MTR: variants seen among roughly 807,000 people sequenced by gnomAD.
MTR encodes methionine synthase.
MTR carries 84 observed loss-of-function variants against 154.8 expected under a neutral mutation model. The observed-to-expected ratio is 0.54, with a 90% CI of 0.45 to 0.65. The LOEUF is 0.65. Ranked by LOEUF, MTR falls within the 30% of genes least tolerant of loss-of-function variation. The pLI is 0.00. For missense variants in MTR, 1,275 were observed against 1,570.2 expected (o/e 0.81, Z 3.18); for synonymous variants, 554 against 553.9 (o/e 1.00, Z 0.00).
intron 8 of MTR, among the ~76,000 whole-genome samples, chr1:236,818,640 AG>A (rs1661742884): frequency 1.3e-5 from 2 of 152,240 alleles, no homozygotes; most frequent in African/African-American, 4.8e-5. Flanking sequence ...TACAGACTGT[AG>A]GGGCAGATAG....
In MTR at chr1:236,897,591, G is replaced by A; in HGVS notation, c.3745G>A (p.Val1249Met). ...EDYALRKNIS[V>M]AEVEKWLGPI... is the part of the protein sequence containing the mutation. ...TTATGCATTGAGGAAGAACATATCT[G>A]TGGCTGAGGTTGAGAAATGGCTTGG... The change falls in exon 33 of 33, where the codon GTG becomes ATG. Residue 1249 changes from valine to methionine, a missense_variant. Val to Met is a conservative substitution (Grantham distance 21, BLOSUM62 1). Coordinates refer to ENST00000366577, the MANE Select transcript of MTR (RefSeq NM_000254.3). 6.2e-7 allele frequency: 1 copy of A among 1,613,646 alleles called. No homozygotes were observed. The highest frequency in any genetic ancestry group is 8.5e-7 in the Non-Finnish European group (1 of 1,179,970).
In MTR at chr1:236,895,364, G is replaced by A. The variant is rs767000295; in HGVS notation, c.3412G>A (p.Ala1138Thr). ...TGCTGCTTTGGGTCCCAAGGCCTTT[G>A]CAGAAGAGCTCCATGAAAGAGTTCG... The part of the protein sequence containing the change: ...ALGDRLAEAF[A>T]EELHERVRRE... The change falls in exon 31 of 33, where the codon GCA becomes ACA. Residue 1138 changes from alanine to threonine, a missense_variant. Coordinates refer to ENST00000366577, the MANE Select transcript of MTR (RefSeq NM_000254.3). 2 of 1,596,318 alleles carry A rather than the reference G, an allele frequency of 1.3e-6. No homozygotes were observed. The highest frequency in any genetic ancestry group is 2.3e-5 in the South Asian group (2 of 88,074).
intron 5 of MTR, among the ~76,000 whole-genome samples, chr1:236,812,102 T>G (rs1222773568): frequency 6.6e-6 from 1 of 152,232 alleles, no homozygotes; most frequent in Non-Finnish European, 1.5e-5. Flanking sequence ...AGGCTGGTCT[T>G]GAACTCCTGA....
At position 236,873,753 on chromosome 1, in the gene MTR, G is replaced by T. The variant is rs1310121654; in HGVS notation, c.2406-20G>T. 1.2e-6 allele frequency: 2 copies of T among 1,606,954 alleles called. No individual in the cohort carries two copies. Among genetic ancestry groups the T allele is most frequent in the South Asian group, 1.1e-5 (1 of 90,980 alleles). ...AATGGGCTTTCATTAATTTTCTCAT[G>T]TCTCATTTCTGTGCCTCAGAGTTAT... On this transcript the variant is annotated intron_variant, in intron 22 of 32. Transcript: ENST00000366577.
In MTR at chr1:236,824,823, C is replaced by T. The variant is rs548373643; in HGVS notation, c.866-515C>T. Among the ~76,000 whole-genome samples, 128 of 152,126 alleles carry T rather than the reference C, an allele frequency of 8.4e-4. 1 individual carries two copies. In the South Asian group the frequency reaches 9.5e-3, roughly 11 times the overall value. The stretch of plus-strand genomic sequence containing the variant: ...TTTAATGCACAATAAATTTTATTTC[C>T]CACCAGGAGTAAGATAACTGGAAGC... On this transcript the variant is annotated intron_variant, in intron 9 of 32. Transcript: ENST00000366577.
chr1:236,903,836 A>G lies in MTR; in HGVS notation c.*6192A>G, dbSNP rs1372163620. 2 of 152,216 alleles carry G rather than the reference A, an allele frequency of 1.3e-5. No individual in the cohort carries two copies. Among genetic ancestry groups the G allele is most frequent in the African/African-American group, 4.8e-5 (2 of 41,462 alleles). 9.4% of individuals were successfully genotyped at this position (152,216 alleles called of 1,614,324 possible). A position where few individuals can be genotyped will look rare whatever the true frequency, so the allele number is the denominator to read the frequency against. On this transcript the variant is annotated 3_prime_UTR_variant, in exon 33 of 33. Transcript: ENST00000366577. ...CTCCAGGTTATCTGAAAGAATTTCA[A>G]TGCTTACCTTTAATCATGTGACATT...
chr1:236,868,500 C>T (rs1483744201), intron 22 of MTR, among the ~76,000 whole-genome samples: 2 of 152,048 alleles, frequency 1.3e-5, no homozygotes, highest in East Asian at 1.9e-4. Context: ...TTCTAAATTC[C>T]CCTCAAGAAA....
chr1:236,880,955 A>G, intron 25 of MTR, 119 bp downstream of exon 25: 1 of 1,012,164 alleles, frequency 9.9e-7, no homozygotes, highest in Admixed American at 2.0e-5. Flanking sequence ...GTCAAAGAGC[A>G]GCCTGAGGCT....
intron 6 of MTR, 56 bp downstream of exon 6, chr1:236,812,900 C>G (rs968567597): frequency 1.5e-6 from 2 of 1,291,930 alleles, no homozygotes; most frequent in South Asian, 2.4e-5. Context: ...GGGTGAGTCC[C>G]CTAATGTAGG....
rs200802890 is a variant in MTR at position 236,860,405 on chromosome 1, G to GTTT, written c.2043+485_2043+487dup. 1.9e-3 allele frequency among the ~76,000 whole-genome samples: 247 copies of GTTT among 126,694 alleles called. 4 individuals carry two copies. The Middle Eastern group carries it at 0.045, about 23-fold the overall frequency. The allele number at this position is 126,694 out of a possible 152,430, so 83.1% of individuals were successfully genotyped here. ...CTGGAGAATCTCAGAGTTTTGTTTT[G>GTTT]TTTTGTTTTTTTTTGGCTCTGGAGT... On this transcript the variant is annotated intron_variant, in intron 19 of 32. Transcript: ENST00000366577.
At chr1:236,841,926 T>C (rs1663263164) in intron 15 of MTR, among the ~76,000 whole-genome samples, 2 of 151,434 alleles carry the variant, frequency 1.3e-5, no homozygotes, top group South Asian at 4.2e-4. Flanking sequence ...GGAGTCTCGC[T>C]GTCGCCCAGG....
intron 25 of MTR, 98 bp downstream of exon 25, chr1:236,880,934 A>G (rs926362772): frequency 3.2e-6 from 4 of 1,247,948 alleles, no homozygotes; most frequent in African/African-American, 1.5e-5. Flanking sequence ...ATTCAGTTCT[A>G]CTAAATAAAG....
chr1:236,844,392 C>G (rs1442709780), intron 15 of MTR, among the ~76,000 whole-genome samples: 2 of 150,796 alleles, frequency 1.3e-5, no homozygotes, highest in South Asian at 4.2e-4. Context: ...TACAGTTCTG[C>G]CATAAGGGGA....
chr1:236,801,544 C>T (rs1660699955), intron 1 of MTR, among the ~76,000 whole-genome samples: 1 of 152,200 alleles, frequency 6.6e-6, no homozygotes, highest in Non-Finnish European at 1.5e-5. Context: ...TACAAATATT[C>T]TTACATTACT....
chr1:236,818,374 CT>C (rs1279632313), intron 8 of MTR, among the ~76,000 whole-genome samples: 1 of 152,130 alleles, frequency 6.6e-6, no homozygotes, highest in African/African-American at 2.4e-5. Flanking sequence ...TCACTGGAGT[CT>C]TTAGTTTGCT....
At position 236,890,702 on chromosome 1, in the gene MTR, T is replaced by C. The variant is rs1315162256; in HGVS notation, c.3008-431T>C. ...AAAATGTCAATCGTTACGAATTATA[T>C]TGTAGTTGGGATTAAAAGCACCACG... On this transcript the variant is annotated intron_variant, in intron 28 of 32. Coordinates refer to ENST00000366577, the MANE Select transcript of MTR (RefSeq NM_000254.3). Among the ~76,000 whole-genome samples the C allele has an allele frequency of 3.3e-5, 5 of 152,144 alleles. No homozygotes were observed. The East Asian group carries it at 9.6e-4, about 29-fold the overall frequency.
intron 8 of MTR, among the ~76,000 whole-genome samples, chr1:236,823,796 C>CTTTTTTTTTTTTTTTTT (rs59710180): frequency 5.4e-5 from 1 of 18,436 alleles, no homozygotes; most frequent in Non-Finnish European, 9.4e-5. Flanking sequence ...CAGGTCAGAT[C>CTTTTTTTTTTTTTTTTT]TTTTTTTTTT....
At chr1:236,797,129 G>GTC (rs1311197147) in intron 1 of MTR, among the ~76,000 whole-genome samples, 1 of 152,194 alleles carries the variant, frequency 6.6e-6, no homozygotes, top group Non-Finnish European at 1.5e-5. Context: ...GTTTAACCAA[G>GTC]TCTAGGGCCT....
In MTR at chr1:236,899,040, CGAA is replaced by C. The variant is rs1272838153; in HGVS notation, c.*1401_*1403del. On this transcript the variant is annotated 3_prime_UTR_variant, in exon 33 of 33. Coordinates refer to ENST00000366577, the MANE Select transcript of MTR (RefSeq NM_000254.3). ...CCTGGTTTGATTCGAAGGATGAAGA[CGAA>C]GAAGCAAGGGAGGAACAAATGAAGA... The C allele has an allele frequency of 6.6e-5, 10 of 151,906 alleles. No homozygotes were observed. Among genetic ancestry groups the C allele is most frequent in the African/African-American group, 2.4e-4 (10 of 41,338 alleles). 9.4% of individuals were successfully genotyped at this position (151,906 alleles called of 1,614,324 possible). A position where few individuals can be genotyped will look rare whatever the true frequency, so the allele number is the denominator to read the frequency against.
Sources: allele counts gnomAD v4.1 joint callset (sites outside exome capture counted in the v4.1 genomes callset), GRCh38; gene constraint gnomAD v4.1.1; transcripts MANE v1.5; gene names NCBI Gene and HGNC (gene_info 2026-07-23, HGNC 2026-07-21).